NRXN1: variants seen among roughly 807,000 people sequenced by gnomAD.
NRXN1 encodes the protein neurexin 1.
A neutral mutation model predicts 150.9 loss-of-function variants in NRXN1; 39 were observed. That is an observed-to-expected ratio of 0.26 (90% CI 0.20 to 0.34). The LOEUF (loss-of-function observed/expected upper bound fraction) is 0.34. NRXN1 is among the 10% of genes least tolerant of loss of function. The probability of loss-of-function intolerance (pLI) is 1.00; values close to 1 mark genes in which losing one functional copy is unlikely to be tolerated. For missense variants in NRXN1, 1,815 were observed against 1,949.9 expected, an observed-to-expected ratio of 0.93 and a Z score of 1.30; for synonymous variants, 924 against 757.0, an observed-to-expected ratio of 1.22 and a Z score of -3.62.
chr2:50,531,352 T>C lies in NRXN1; in HGVS notation c.2222A>G (p.Asp741Gly), dbSNP rs1227238119. 3 of 1,613,150 alleles carry C rather than the reference T, an allele frequency of 1.9e-6. No homozygotes were observed. Among genetic ancestry groups the C allele is most frequent in the African/African-American group, 1.3e-5 (1 of 74,878 alleles). Residue 741 changes from aspartate (D) to glycine (G), a missense_variant, in exon 11 of 23, where the codon GAT becomes GGT. Around this residue, in one of 6 missense-constraint regions of NRXN1, gnomAD observed 638 missense variants for 652.6 expected, o/e 0.98. Coordinates refer to ENST00000401669, the MANE Select transcript of NRXN1 (RefSeq NM_001330078.2). ...LPVVMHTEAE[D>G]VSLRFRSQRA... ...CTGGGATCGGAACCGTAAGGAAACA[T>C]CCTCAGCCTCCGTATGCATGACTAC...
intron 17 of NRXN1, among the ~76,000 whole-genome samples, chr2:50,375,964 T>C (rs1010885660): frequency 3.3e-5 from 5 of 151,840 alleles, no homozygotes; most frequent in Admixed American, 3.3e-4. Flanking sequence ...TAGAACGATA[T>C]AGTCTTAGCT....
chr2:50,667,929 A>C (rs1237411660), intron 5 of NRXN1, among the ~76,000 whole-genome samples: 1 of 151,950 alleles, frequency 6.6e-6, no homozygotes, highest in African/African-American at 2.4e-5. Context: ...TATTTCAGAA[A>C]ATTTTCACAT....
chr2:50,877,594 T>A (rs1013046628), intron 5 of NRXN1, among the ~76,000 whole-genome samples: 3 of 152,124 alleles, frequency 2.0e-5, no homozygotes, highest in East Asian at 1.9e-4. Flanking sequence ...TCTTTTGTTG[T>A]TTTCCAAATT....
intron 17 of NRXN1, among the ~76,000 whole-genome samples, chr2:50,278,393 C>G (rs932382650): frequency 6.8e-6 from 1 of 146,002 alleles, no homozygotes; most frequent in Non-Finnish European, 1.5e-5. Context: ...CTCAAGTGCT[C>G]CGCCCCCCTT....
At chr2:50,475,729 G>A (rs938894802) in intron 15 of NRXN1, among the ~76,000 whole-genome samples, 1 of 152,024 alleles carries the variant, frequency 6.6e-6, no homozygotes, top group Non-Finnish European at 1.5e-5. Flanking sequence ...TAAACTCTTT[G>A]ATATAGCAAA....
chr2:51,006,779 G>A (rs1037070518), intron 2 of NRXN1, among the ~76,000 whole-genome samples: 3 of 151,874 alleles, frequency 2.0e-5, no homozygotes, highest in Non-Finnish European at 2.9e-5. Flanking sequence ...ATGAGTAAGT[G>A]TCTTTTTGCT....
intron 5 of NRXN1, among the ~76,000 whole-genome samples, chr2:50,706,311 T>G (rs1694430501): frequency 6.6e-6 from 1 of 152,174 alleles, no homozygotes; most frequent in Admixed American, 6.6e-5. Context: ...TCATTGCCTG[T>G]TCTGAGTTTG....
chr2:50,009,236 G>A (rs1685255374), intron 21 of NRXN1, among the ~76,000 whole-genome samples: 3 of 152,052 alleles, frequency 2.0e-5, no homozygotes, highest in Admixed American at 2.0e-4. Flanking sequence ...ATGGAACTTA[G>A]GTAGCTATTG....
chr2:49,973,760 A>T (rs1475079841), intron 21 of NRXN1: 1 of 552,364 alleles, frequency 1.8e-6, no homozygotes, highest in Non-Finnish European at 3.2e-6. Context: ...AAAATTTAAA[A>T]CAACCTTTCC....
chr2:50,655,252 A>G (rs1686256799), intron 5 of NRXN1, among the ~76,000 whole-genome samples: 1 of 143,338 alleles, frequency 7.0e-6, no homozygotes, highest in Non-Finnish European at 1.5e-5. Flanking sequence ...ATATTTTTCA[A>G]AATTAAAAAA....
At chr2:50,130,984 T>C (rs772980403) in intron 18 of NRXN1, among the ~76,000 whole-genome samples, 1 of 152,242 alleles carries the variant, frequency 6.6e-6, no homozygotes, top group South Asian at 2.1e-4. Flanking sequence ...TAATGTATTT[T>C]ACTTAAGTAT....
intron 9 of NRXN1, among the ~76,000 whole-genome samples, chr2:50,552,271 A>C (rs187676045): frequency 5.4e-4 from 82 of 152,304 alleles, no homozygotes; most frequent in African/African-American, 1.9e-3. Context: ...CTGGGAATAG[A>C]AAAACTTTGA....
intron 17 of NRXN1, among the ~76,000 whole-genome samples, chr2:50,435,658 C>A (rs1470159322): frequency 6.6e-6 from 1 of 151,922 alleles, no homozygotes; most frequent in Non-Finnish European, 1.5e-5. Flanking sequence ...GAGTATATAC[C>A]CAATAATGGG....
Position 50,176,295 on chromosome 2 carries a change from C to T in NRXN1, c.3546+60494G>A, listed in dbSNP as rs558315868. Among the ~76,000 whole-genome samples the T allele has an allele frequency of 5.3e-5, 8 of 152,236 alleles. No individual in the cohort carries two copies. The South Asian group carries it at 1.7e-3, about 32-fold the overall frequency. On this transcript the variant is annotated intron_variant, in intron 18 of 22. Coordinates refer to ENST00000401669, the MANE Select transcript of NRXN1 (RefSeq NM_001330078.2). ...GAAAGTTAAAAAATGTCCAAGTCAA[C>T]AACTCAGTAAGAAATTTAGAAAGTT... is the stretch of plus-strand genomic sequence containing the variant.
At chr2:50,964,197 T>A in intron 2 of NRXN1, among the ~76,000 whole-genome samples, 1 of 151,612 alleles carries the variant, frequency 6.6e-6, no homozygotes, top group East Asian at 1.9e-4. Flanking sequence ...AAAACCTTTA[T>A]GCTGTTAATC....
intron 15 of NRXN1, among the ~76,000 whole-genome samples, chr2:50,479,945 T>G (rs2090332824): frequency 6.6e-6 from 1 of 152,010 alleles, no homozygotes; most frequent in Non-Finnish European, 1.5e-5. Flanking sequence ...GGCTAACTTC[T>G]GTATTTTTAG....
intron 18 of NRXN1, among the ~76,000 whole-genome samples, chr2:50,137,454 T>C (rs1464517478): frequency 6.6e-6 from 1 of 152,116 alleles, no homozygotes; most frequent in African/African-American, 2.4e-5. Context: ...TGCACTGAAA[T>C]TCCAAGCAAA....
intron 6 of NRXN1, 56 bp downstream of exon 6, chr2:50,623,258 C>A: frequency 7.1e-7 from 1 of 1,412,618 alleles, no homozygotes; most frequent in Non-Finnish European, 9.9e-7. Context: ...AAGTACCACA[C>A]ACACAGCTAT....
At chr2:50,150,654 T>C (rs1208947928) in intron 18 of NRXN1, among the ~76,000 whole-genome samples, 1 of 151,814 alleles carries the variant, frequency 6.6e-6, no homozygotes. Context: ...GAATTAGGTG[T>C]TAGATACCTA....
Sources: gnomAD v4.1 joint callset for allele counts (sites outside exome capture counted in the v4.1 genomes callset) on GRCh38, gnomAD v4.1.1 for gene constraint, gnomAD v4.1.1 regional missense constraint, MANE v1.5 for transcripts, NCBI Gene and HGNC (gene_info 2026-07-23, HGNC 2026-07-21) for gene names.